SYTL5: variants seen among roughly 807,000 people sequenced by gnomAD.
SYTL5 encodes synaptotagmin-like protein 5.
Under a neutral mutation model 55.9 loss-of-function variants are expected in SYTL5, and 34 were observed. That is an observed-to-expected ratio of 0.61 (90% CI 0.46 to 0.81). The LOEUF is 0.81. Ranked by LOEUF, SYTL5 falls within the 30% of genes least tolerant of loss-of-function variation. The pLI, the probability that SYTL5 is intolerant of heterozygous loss-of-function variation, is 0.00. For missense variants in SYTL5, 637 were observed against 546.7 expected, an observed-to-expected ratio of 1.17 and a Z score of -1.65; for synonymous variants, 221 against 188.7, an observed-to-expected ratio of 1.17 and a Z score of -1.40.
intron 1 of SYTL5, among the ~76,000 whole-genome samples, chrX:38,026,425 G>A (rs73632425): frequency 0.018 from 2,051 of 111,530 alleles, 52 homozygotes; most frequent in African/African-American, 0.064. Context: ...AAGGGGTCCC[G>A]ATCCAGATCC....
intron 11 of SYTL5, among the ~76,000 whole-genome samples, chrX:38,106,975 A>G (rs1265838930): frequency 8.9e-6 from 1 of 112,604 alleles, no homozygotes; most frequent in Non-Finnish European, 1.9e-5. Flanking sequence ...TGATTTTTAA[A>G]ACATAATTCA....
chrX:38,101,688 T>C (rs2147583580), intron 9 of SYTL5, among the ~76,000 whole-genome samples: 1 of 110,530 alleles, frequency 9.0e-6, no homozygotes, highest in African/African-American at 3.3e-5. Flanking sequence ...TGTGTATATA[T>C]ATATGTGATG....
chrX:37,909,305 C>T, the SYTL5 span, among the ~76,000 whole-genome samples: 2 of 111,806 alleles, frequency 1.8e-5, no homozygotes, highest in South Asian at 3.7e-4. Context: ...AAGCAAGTAT[C>T]GAGAGATTGA....
At chrX:38,074,494 T>G (rs1470481124) in intron 5 of SYTL5, among the ~76,000 whole-genome samples, 2 of 111,309 alleles carry the variant, frequency 1.8e-5, no homozygotes, top group African/African-American at 3.3e-5. Flanking sequence ...CAAGCAATCC[T>G]CTTGCCTTGG....
Position 38,089,650 on chromosome X carries a change from C to G in SYTL5, c.831+63C>G. On this transcript the variant is annotated intron_variant, in intron 7 of 16. Coordinates refer to ENST00000297875, the MANE Select transcript of SYTL5 (RefSeq NM_138780.3). ...TTCTCACACTGCTATAAAGAACTGC[C>G]AGAGATTGGGTAATTTATAAACAAA... 6.5e-6 allele frequency: 7 copies of G among 1,074,355 alleles called. No homozygotes were observed. In the East Asian group the frequency reaches 1.6e-4, roughly 25 times the overall value. 88.5% of individuals were successfully genotyped at this position (1,074,355 alleles called of 1,213,427 possible). A position where few individuals can be genotyped will look rare whatever the true frequency, so the allele number is the denominator to read the frequency against.
chrX:38,070,897 A>C (rs1295572541), intron 3 of SYTL5, among the ~76,000 whole-genome samples: 1 of 112,040 alleles, frequency 8.9e-6, no homozygotes, highest in Non-Finnish European at 1.9e-5. Context: ...GTTGAATTCC[A>C]GGTATTCTAA....
intron 3 of SYTL5, among the ~76,000 whole-genome samples, chrX:38,062,752 A>G (rs1244427341): frequency 1.8e-5 from 2 of 112,006 alleles, no homozygotes; most frequent in Non-Finnish European, 3.8e-5. Flanking sequence ...AAACAAAACA[A>G]GAACACTTTG....
chrX:38,025,078 A>G (rs1028311754), intron 1 of SYTL5, among the ~76,000 whole-genome samples: 1 of 111,772 alleles, frequency 8.9e-6, no homozygotes, highest in African/African-American at 3.2e-5. Context: ...TGGTAATCCA[A>G]TCACAGCTGC....
chrX:37,900,634 T>C, the SYTL5 span, among the ~76,000 whole-genome samples: 1 of 112,099 alleles, frequency 8.9e-6, no homozygotes, highest in Non-Finnish European at 1.9e-5. Context: ...CTAATTTGCA[T>C]CTCCTTTTAC....
chrX:38,098,955 A>AATTG (rs1297802380), intron 9 of SYTL5, among the ~76,000 whole-genome samples: 2 of 110,887 alleles, frequency 1.8e-5, no homozygotes, highest in Non-Finnish European at 3.8e-5. Context: ...ATGAAAGGAA[A>AATTG]ATTGATAGAG....
the SYTL5 span, chrX:37,991,218 G>C: frequency 7.1e-5 from 85 of 1,192,345 alleles, 1 homozygote; most frequent in Non-Finnish European, 9.6e-5. Context: ...AGCCTTGAAG[G>C]GAACCTCACA....
At chrX:37,927,507 G>A in the SYTL5 span, among the ~76,000 whole-genome samples, 3 of 111,169 alleles carry the variant, frequency 2.7e-5, no homozygotes, top group Admixed American at 1.9e-4. Flanking sequence ...TAGGTGTGGT[G>A]GCTCACTCCT....
the SYTL5 span, among the ~76,000 whole-genome samples, chrX:37,902,404 T>C: frequency 8.9e-6 from 1 of 112,343 alleles, no homozygotes; most frequent in African/African-American, 3.2e-5. Context: ...GTGTCTGAGC[T>C]GTGCACAAGT....
chrX:37,974,422 G>C, the SYTL5 span, among the ~76,000 whole-genome samples: 1 of 111,851 alleles, frequency 8.9e-6, no homozygotes, highest in Non-Finnish European at 1.9e-5. Flanking sequence ...GCCATGGGCT[G>C]GGTGAAGGTA....
chrX:38,016,289 C>T (rs1410086675), intron 1 of SYTL5, among the ~76,000 whole-genome samples: 1 of 111,749 alleles, frequency 8.9e-6, no homozygotes, highest in African/African-American at 3.3e-5. Flanking sequence ...CTAATTGTTC[C>T]TTAATAGAAA....
intron 9 of SYTL5, among the ~76,000 whole-genome samples, chrX:38,097,826 C>G (rs1423560315): frequency 9.5e-6 from 1 of 105,686 alleles, no homozygotes; most frequent in Non-Finnish European, 2.0e-5. Flanking sequence ...GCTATCAGTA[C>G]AACACAGTAT....
the SYTL5 span, among the ~76,000 whole-genome samples, chrX:37,920,166 G>GA: frequency 1.3e-4 from 14 of 111,595 alleles, no homozygotes; most frequent in Non-Finnish European, 2.3e-4. Flanking sequence ...TGTAATCAAT[G>GA]AAAAAATCTG....
At position 38,094,572 on chromosome X, in the gene SYTL5, A is replaced by T. The variant is rs1426628398; in HGVS notation, c.961+148A>T. On this transcript the variant is annotated intron_variant, in intron 8 of 16. Transcript: ENST00000297875. ...CTATGGTGGTAGGCCACTCCATAAG[A>T]ACTGCTTGAAGATAGACCCAGGTAA... The T allele has an allele frequency of 5.2e-6, 3 of 572,784 alleles. No homozygotes were observed. The African/African-American group carries it at 6.8e-5, about 13-fold the overall frequency. The allele number at this position is 572,784 out of a possible 1,213,427, so 47.2% of individuals were successfully genotyped here.
chrX:38,120,575 A>C lies in SYTL5; in HGVS notation c.1705+109A>C, dbSNP rs1210661494. On this transcript the variant is annotated intron_variant, in intron 14 of 16. Transcript: ENST00000297875. ...ATTTCTTTCATATTACACAAACAAA[A>C]CATAAAGGGTTTGGTGTCACTGTCT... The C allele has an allele frequency of 6.8e-6, 4 of 584,718 alleles. No individual in the cohort carries two copies. In the African/African-American group the frequency reaches 8.9e-5, roughly 13 times the overall value. 48.2% of individuals were successfully genotyped at this position (584,718 alleles called of 1,213,427 possible).
Sources: gnomAD v4.1 joint callset for allele counts (sites outside exome capture counted in the v4.1 genomes callset) on GRCh38, gnomAD v4.1.1 for gene constraint, MANE v1.5 for transcripts, NCBI Gene and HGNC (gene_info 2026-07-23, HGNC 2026-07-21) for gene names.